The following KLRG1 variants were observed in gnomAD, a reference collection of about 807,000 sequenced individuals.
KLRG1 encodes the protein killer cell lectin like receptor G1.
In KLRG1, 16 loss-of-function variants were observed where a neutral mutation model predicts 21.8. The observed-to-expected ratio is 0.73, with a 90% CI of 0.50 to 1.11. The LOEUF (loss-of-function observed/expected upper bound fraction) is 1.11. Among genes scored for constraint, KLRG1 ranks in the 50% most tolerant of loss-of-function variants. The pLI, the probability that KLRG1 is intolerant of heterozygous loss-of-function variation, is 0.00. For synonymous variants in KLRG1, 69 were observed against 75.9 expected (o/e 0.91, Z 0.47); for missense variants, 173 against 218.3 (o/e 0.79, Z 1.31).
At chr12:8,980,137 G>A (rs1946730734) in intron 1 of KLRG1, among the ~76,000 whole-genome samples, 1 of 151,986 alleles carries the variant, frequency 6.6e-6, no homozygotes, top group African/African-American at 2.4e-5. Flanking sequence ...CTTACCTCAG[G>A]TGATCTGCCC....
intron 1 of KLRG1, among the ~76,000 whole-genome samples, chr12:8,968,766 C>G (rs11048338): frequency 0.35 from 53,278 of 151,942 alleles, 10,948 homozygotes; most frequent in South Asian, 0.46. Flanking sequence ...TATATTTGAC[C>G]AAAACAGAAT....
At chr12:9,194,609 C>A in the KLRG1 span, among the ~76,000 whole-genome samples, 1 of 151,904 alleles carries the variant, frequency 6.6e-6, no homozygotes, top group East Asian at 1.9e-4. Flanking sequence ...GGACTACAGG[C>A]GCCCGCCACC....
At chr12:9,204,876 C>T in the KLRG1 span, among the ~76,000 whole-genome samples, 235 of 152,150 alleles carry the variant, frequency 1.5e-3, no homozygotes, top group African/African-American at 5.3e-3. Context: ...AGGAGAGTCA[C>T]TTGAGGCCAG....
At chr12:9,069,491 C>G in the KLRG1 span, among the ~76,000 whole-genome samples, 1 of 152,066 alleles carries the variant, frequency 6.6e-6, no homozygotes, top group Non-Finnish European at 1.5e-5. Context: ...ACATAATAAA[C>G]ACATTTTGTG....
the KLRG1 span, among the ~76,000 whole-genome samples, chr12:9,044,741 G>A: frequency 1.3e-5 from 2 of 152,072 alleles, no homozygotes; most frequent in Non-Finnish European, 2.9e-5. Flanking sequence ...CAGGGGAAAT[G>A]AGACCTCCTT....
chr12:9,087,580 A>T, the KLRG1 span, among the ~76,000 whole-genome samples: 1 of 152,094 alleles, frequency 6.6e-6, no homozygotes, highest in Non-Finnish European at 1.5e-5. Flanking sequence ...TCTTTTTGGG[A>T]TCTATTGCAC....
chr12:9,075,936 A>G, the KLRG1 span, among the ~76,000 whole-genome samples: 1 of 152,166 alleles, frequency 6.6e-6, no homozygotes, highest in Admixed American at 6.5e-5. Context: ...AATATTTCTC[A>G]ATACATTTTA....
chr12:9,204,416 T>C, the KLRG1 span, among the ~76,000 whole-genome samples: 17 of 152,230 alleles, frequency 1.1e-4, no homozygotes, highest in Admixed American at 1.0e-3. Context: ...ACACCGTGAC[T>C]AGATTTACAG....
chr12:9,099,498 G>T, the KLRG1 span: 1 of 1,609,804 alleles, frequency 6.2e-7, no homozygotes, highest in African/African-American at 1.3e-5. Context: ...ACTTCACAGG[G>T]ATTGAGATGG....
At chr12:9,098,449 T>TATATATAA in the KLRG1 span, 62 of 381,456 alleles carry the variant, frequency 1.6e-4, no homozygotes, top group African/African-American at 1.4e-3. Flanking sequence ...TATATATATA[T>TATATATAA]AATTCCTTAC....
intron 1 of KLRG1, among the ~76,000 whole-genome samples, chr12:8,974,998 C>T (rs1946635000): frequency 6.6e-6 from 1 of 151,842 alleles, no homozygotes; most frequent in African/African-American, 2.4e-5. Flanking sequence ...CAGATTCAAG[C>T]AATTCTCCTA....
chr12:9,097,327 CTT>C, the KLRG1 span, among the ~76,000 whole-genome samples: 2 of 151,968 alleles, frequency 1.3e-5, no homozygotes, highest in African/African-American at 2.4e-5. Context: ...ATAAATTTCT[CTT>C]TGTTAAATTA....
intron 3 of KLRG1, among the ~76,000 whole-genome samples, chr12:9,007,033 C>T (rs1356325582): frequency 6.6e-6 from 1 of 152,080 alleles, no homozygotes; most frequent in African/African-American, 2.4e-5. Context: ...ACAAAGTTAT[C>T]ATAAGGAATA....
chr12:8,974,169 G>GT (rs1191415830), intron 1 of KLRG1, among the ~76,000 whole-genome samples: 1 of 127,834 alleles, frequency 7.8e-6, no homozygotes, highest in Non-Finnish European at 1.8e-5. Flanking sequence ...TTGTTTGTTT[G>GT]TTTTGTTTTT....
the KLRG1 span, among the ~76,000 whole-genome samples, chr12:9,043,755 A>G: frequency 5.9e-5 from 9 of 152,346 alleles, no homozygotes; most frequent in African/African-American, 2.2e-4. Context: ...ATCAAATGTA[A>G]TGGAAGTAAT....
At chr12:9,142,666 C>T in the KLRG1 span, among the ~76,000 whole-genome samples, 1 of 152,106 alleles carries the variant, frequency 6.6e-6, no homozygotes, top group East Asian at 1.9e-4. Context: ...GAAGAAAATC[C>T]AGTAGTTATA....
chr12:9,186,538 C>T, the KLRG1 span, among the ~76,000 whole-genome samples: 4 of 151,724 alleles, frequency 2.6e-5, no homozygotes, highest in Middle Eastern at 3.4e-3. Context: ...CTGATAGGCT[C>T]GAGATAAAGG....
At chr12:9,071,628 G>T in the KLRG1 span, among the ~76,000 whole-genome samples, 1 of 152,000 alleles carries the variant, frequency 6.6e-6, no homozygotes, top group Non-Finnish European at 1.5e-5. Context: ...GGTGTCTGTT[G>T]TTCTCCTTTT....
At chr12:8,999,035 T>G (rs1312093550) in intron 3 of KLRG1, among the ~76,000 whole-genome samples, 1 of 151,798 alleles carries the variant, frequency 6.6e-6, no homozygotes, top group Non-Finnish European at 1.5e-5. Flanking sequence ...TGCTTTCTTA[T>G]TATCTCTTTT....
Sources: allele counts gnomAD v4.1 joint callset (sites outside exome capture counted in the v4.1 genomes callset), GRCh38; gene constraint gnomAD v4.1.1; transcripts MANE v1.5; gene names NCBI Gene and HGNC (gene_info 2026-07-23, HGNC 2026-07-21).